CASK: variants seen among roughly 807,000 people sequenced by gnomAD.
The protein encoded by CASK is peripheral plasma membrane protein CASK.
CASK carries 4 observed loss-of-function variants against 82.9 expected under a neutral mutation model. That is an observed-to-expected ratio of 0.05 (90% CI 0.02 to 0.11). The LOEUF is 0.11. Ranked by LOEUF, CASK falls within the 10% of genes least tolerant of loss-of-function variation. CASK has a pLI of 1.00. For synonymous variants in CASK, 259 were observed against 253.5 expected (o/e 1.02, Z -0.20); for missense variants, 358 against 720.9 (o/e 0.50, Z 5.76).
At chrX:41,658,774 G>A (rs1254109218) in intron 8 of CASK, among the ~76,000 whole-genome samples, 1 of 111,502 alleles carries the variant, frequency 9.0e-6, no homozygotes. Flanking sequence ...TTGCTGACAG[G>A]CCAAGAAGAA....
chrX:41,751,712 A>C lies in CASK; in HGVS notation c.279-6111T>G, dbSNP rs957707676. On this transcript the variant is annotated intron_variant, in intron 3 of 26. Coordinates refer to ENST00000378163, the MANE Select transcript of CASK (RefSeq NM_001367721.1). ...TGCACTATGAAAAATGGGGTACAGA[A>C]TAAATTCTGGTATGTCATGTTGGTA... 2.7e-5 allele frequency among the ~76,000 whole-genome samples: 3 copies of C among 110,422 alleles called. No individual in the cohort carries two copies. In the South Asian group the frequency reaches 1.2e-3, roughly 43 times the overall value.
At chrX:41,532,385 T>C (rs1280625602) in intron 24 of CASK, among the ~76,000 whole-genome samples, 2 of 112,375 alleles carry the variant, frequency 1.8e-5, no homozygotes, top group Non-Finnish European at 3.8e-5. Context: ...ATGTGTACTA[T>C]CTGGTCCTTT....
intron 3 of CASK, among the ~76,000 whole-genome samples, chrX:41,773,374 CAA>C (rs552195137): frequency 8.7e-4 from 42 of 48,205 alleles, no homozygotes; most frequent in Middle Eastern, 0.011. Flanking sequence ...GACCCTGTCT[CAA>C]AAAAAAAAAA....
chrX:41,572,528 T>C lies in CASK; in HGVS notation c.1504-2782A>G, dbSNP rs995779697. On this transcript the variant is annotated intron_variant, in intron 15 of 26. Transcript: ENST00000378163. ...CTTGTCAGTGTACCTTCAAGTGATA[T>C]TATACCACTTCACATATAACCCTTA... is the stretch of plus-strand genomic sequence containing the variant. 8.1e-5 allele frequency among the ~76,000 whole-genome samples: 9 copies of C among 110,469 alleles called. No individual in the cohort carries two copies. The East Asian group carries it at 2.5e-3, about 31-fold the overall frequency.
At chrX:41,815,345 A>G (rs187664449) in intron 2 of CASK, among the ~76,000 whole-genome samples, 237 of 111,741 alleles carry the variant, frequency 2.1e-3, no homozygotes, top group African/African-American at 7.1e-3. Flanking sequence ...AAATTGTAAA[A>G]TATAACCAAA....
rs775320968 is a variant in CASK, at chrX:41,566,018, T to A, written c.1582+3650A>T. On this transcript the variant is annotated intron_variant, in intron 16 of 26. Coordinates refer to ENST00000378163, the MANE Select transcript of CASK (RefSeq NM_001367721.1). ...ATCTCAACAGATGCAGAAAAGGCCT[T>A]CAACAAAATTCAATGGCCCTTCATG... 2.7e-5 allele frequency among the ~76,000 whole-genome samples: 3 copies of A among 111,659 alleles called. No individual in the cohort carries two copies. In the East Asian group the frequency reaches 8.4e-4, roughly 31 times the overall value.
chrX:41,792,836 T>C (rs1762941478), intron 2 of CASK, among the ~76,000 whole-genome samples: 2 of 111,765 alleles, frequency 1.8e-5, no homozygotes, highest in African/African-American at 6.5e-5. Context: ...TTTACACTTA[T>C]AGCAAATCTC....
At chrX:41,826,797 A>G (rs2070677143) in intron 2 of CASK, among the ~76,000 whole-genome samples, 1 of 112,313 alleles carries the variant, frequency 8.9e-6, no homozygotes, top group African/African-American at 3.2e-5. Context: ...TTAAAATACC[A>G]GATTTTGTGT....
At chrX:41,549,047 C>T (rs1445976951) in intron 21 of CASK, among the ~76,000 whole-genome samples, 1 of 111,229 alleles carries the variant, frequency 9.0e-6, no homozygotes, top group Non-Finnish European at 1.9e-5. Flanking sequence ...ATCTTGTAGG[C>T]AAGGCAAGGG....
intron 5 of CASK, among the ~76,000 whole-genome samples, chrX:41,677,586 C>T (rs770551543): frequency 1.8e-5 from 2 of 111,480 alleles, no homozygotes; most frequent in South Asian, 7.6e-4. Flanking sequence ...TTTGGTGGCA[C>T]GATGGAGGCA....
intron 1 of CASK, among the ~76,000 whole-genome samples, chrX:41,908,797 C>A (rs932141325): frequency 8.9e-6 from 1 of 111,972 alleles, no homozygotes; most frequent in Non-Finnish European, 1.9e-5. Flanking sequence ...GAAAACAGCA[C>A]GAATGCTTTA....
chrX:41,547,430 G>A lies in CASK; in HGVS notation c.2040-4624C>T, dbSNP rs192795218. ...TGACTGTGTCCCTGTGGTATCTTTA[G>A]TATGTCTCTCTGTCCTTTGTATTTC... On this transcript the variant is annotated intron_variant, in intron 21 of 26. Coordinates refer to ENST00000378163, the MANE Select transcript of CASK (RefSeq NM_001367721.1). 1.4e-4 allele frequency among the ~76,000 whole-genome samples: 16 copies of A among 110,811 alleles called. 1 individual carries two copies. The East Asian group carries it at 4.2e-3, about 29-fold the overall frequency.
chrX:41,560,243 C>T (rs979695626), intron 17 of CASK, among the ~76,000 whole-genome samples: 1 of 111,317 alleles, frequency 9.0e-6, no homozygotes, highest in Non-Finnish European at 1.9e-5. Flanking sequence ...ATAGAATATG[C>T]TTTTTACTTT....
At position 41,637,163 on chromosome X, in the gene CASK, G is replaced by A. The variant is rs975201640; in HGVS notation, c.832-502C>T. Among the ~76,000 whole-genome samples, 4 of 108,691 alleles carry A rather than the reference G, an allele frequency of 3.7e-5. No homozygotes were observed. The Admixed American group carries it at 4.0e-4, about 11-fold the overall frequency. 94.4% of individuals were successfully genotyped at this position (108,691 alleles called of 115,157 possible). ...AGAAGGAGTATTGCTATGTTGCCCA[G>A]GTTGGTCTCAAACTCCTGAGCTCAA... On this transcript the variant is annotated intron_variant, in intron 8 of 26. Coordinates refer to ENST00000378163, the MANE Select transcript of CASK (RefSeq NM_001367721.1).
intron 15 of CASK, among the ~76,000 whole-genome samples, chrX:41,570,766 T>C (rs930238808): frequency 8.9e-6 from 1 of 112,300 alleles, no homozygotes; most frequent in Non-Finnish European, 1.9e-5. Flanking sequence ...GTTGCATGTA[T>C]CAGTAGTTTG....
At chrX:41,919,626 C>G (rs762188708) in intron 1 of CASK, among the ~76,000 whole-genome samples, 1 of 112,053 alleles carries the variant, frequency 8.9e-6, no homozygotes, top group Non-Finnish European at 1.9e-5. Context: ...GTAATCGCTA[C>G]ATTTGCTAAG....
intron 3 of CASK, among the ~76,000 whole-genome samples, chrX:41,767,604 AG>A (rs1280947302): frequency 8.9e-6 from 1 of 111,831 alleles, no homozygotes; most frequent in African/African-American, 3.3e-5. Flanking sequence ...AAGATTCCTT[AG>A]TCTCCTCTGG....
chrX:41,637,162 A>G (rs779408145), intron 8 of CASK, among the ~76,000 whole-genome samples: 1 of 108,745 alleles, frequency 9.2e-6, no homozygotes, highest in Non-Finnish European at 1.9e-5. Context: ...TATGTTGCCC[A>G]GGTTGGTCTC....
At chrX:41,836,865 AG>A (rs1264089732) in intron 2 of CASK, among the ~76,000 whole-genome samples, 4 of 112,392 alleles carry the variant, frequency 3.6e-5, no homozygotes, top group African/African-American at 1.3e-4. Context: ...TGCAAAAGGA[AG>A]GTATAGAGAT....
Sources: gnomAD v4.1 joint callset for allele counts (sites outside exome capture counted in the v4.1 genomes callset) on GRCh38, gnomAD v4.1.1 for gene constraint, MANE v1.5 for transcripts, NCBI Gene and HGNC (gene_info 2026-07-23, HGNC 2026-07-21) for gene names.